KIAA1217: variants seen among roughly 807,000 people sequenced by gnomAD.
KIAA1217 encodes the protein sickle tail protein homolog.
In KIAA1217, 88 loss-of-function variants were observed where a neutral mutation model predicts 163.9. The ratio of observed to expected loss-of-function variants is 0.54; its 90% CI spans 0.45 to 0.64. KIAA1217 has a LOEUF of 0.64. Among genes scored for constraint, KIAA1217 ranks in the 30% least tolerant of loss-of-function variants. The pLI, the probability that KIAA1217 is intolerant of heterozygous loss-of-function variation, is 0.00. For missense variants in KIAA1217, 2,372 were observed against 2,475.0 expected (o/e 0.96, Z 0.88); for synonymous variants, 903 against 923.1 (o/e 0.98, Z 0.39).
chr10:23,748,333 C>T lies in KIAA1217; in HGVS notation c.-321+53099C>T, dbSNP rs140085264. Among the ~76,000 whole-genome samples, 313 of 151,744 alleles carry T rather than the reference C, an allele frequency of 2.1e-3. 3 individuals carry two copies. The highest frequency in any genetic ancestry group is 7.3e-3 in the African/African-American group (303 of 41,310). Reference sequence around the variant, plus strand: ...GAATTTTAATTTTCTAGCAGCCTTCCGATTGTAGATTCTATGAGAGCAGGA... The same window carrying T: ...GAATTTTAATTTTCTAGCAGCCTTCTGATTGTAGATTCTATGAGAGCAGGA... On this transcript the variant is annotated intron_variant, in intron 1 of 18. Transcript: ENST00000376462.
At position 24,364,763 on chromosome 10, in the gene KIAA1217, T is replaced by C. The variant is rs370976234; in HGVS notation, c.355-16106T>C. On this transcript the variant is annotated intron_variant, in intron 2 of 20. Transcript: ENST00000376454. ...TCTCTTGCCTGCCTGCCTTCCTTCC[T>C]TTCTTTCTTTCTTTTTTCTTCCTTT... is the stretch of plus-strand genomic sequence containing the variant. Among the ~76,000 whole-genome samples, 32 of 152,018 alleles carry C rather than the reference T, an allele frequency of 2.1e-4. No homozygotes were observed. The South Asian group carries it at 5.8e-3, about 28-fold the overall frequency.
At chr10:24,161,021 C>T (rs952639860) in intron 2 of KIAA1217, among the ~76,000 whole-genome samples, 6 of 152,098 alleles carry the variant, frequency 3.9e-5, no homozygotes, top group Admixed American at 1.3e-4. Context: ...TTTTAGTTTC[C>T]TACCTGTAAA....
chr10:24,251,426 GA>G (rs1310730335), intron 2 of KIAA1217, among the ~76,000 whole-genome samples: 6 of 129,442 alleles, frequency 4.6e-5, no homozygotes, highest in Middle Eastern at 8.6e-3. Flanking sequence ...AAAAAAACAA[GA>G]AAAAAAAAGA....
intron 1 of KIAA1217, among the ~76,000 whole-genome samples, chr10:23,942,115 T>C (rs1843800355): frequency 6.6e-6 from 1 of 152,126 alleles, no homozygotes; most frequent in South Asian, 2.1e-4. Context: ...TATACTACAA[T>C]TGAATATAGT....
At chr10:24,511,243 G>T (rs1277112702) in intron 9 of KIAA1217, among the ~76,000 whole-genome samples, 1 of 151,582 alleles carries the variant, frequency 6.6e-6, no homozygotes, top group East Asian at 1.9e-4. Flanking sequence ...ATGGAGGGAG[G>T]GAGATTAGCC....
intron 2 of KIAA1217, among the ~76,000 whole-genome samples, chr10:24,228,787 C>T (rs1188449907): frequency 6.6e-6 from 1 of 152,170 alleles, no homozygotes; most frequent in African/African-American, 2.4e-5. Flanking sequence ...CATCAGCTCT[C>T]CCAATGTAAT....
Position 24,382,746 on chromosome 10 carries a change from A to G in KIAA1217, c.553+1679A>G, listed in dbSNP as rs138217415. Among the ~76,000 whole-genome samples the G allele has an allele frequency of 3.3e-3, 507 of 152,162 alleles. 1 individual carries two copies. Among genetic ancestry groups the G allele is most frequent in the African/African-American group, 0.012 (481 of 41,530 alleles). ...CAGGGGAGGGACACACCCAAGGAGC[A>G]TCATGGGCCAAGACAGTGTCAAGAT... is the stretch of plus-strand genomic sequence containing the variant. On this transcript the variant is annotated intron_variant, in intron 3 of 20. Coordinates refer to ENST00000376454, the MANE Select transcript of KIAA1217 (RefSeq NM_019590.5).
chr10:24,255,008 C>A (rs1160887874), intron 2 of KIAA1217, among the ~76,000 whole-genome samples: 2 of 152,110 alleles, frequency 1.3e-5, no homozygotes, highest in Non-Finnish European at 2.9e-5. Context: ...AGCCCGCCAC[C>A]ATGCCCAGCT....
chr10:24,092,515 C>G (rs1357514511), intron 2 of KIAA1217, among the ~76,000 whole-genome samples: 1 of 151,772 alleles, frequency 6.6e-6, no homozygotes, highest in African/African-American at 2.4e-5. Context: ...TGTCCCTCAA[C>G]CTATGAATGG....
intron 1 of KIAA1217, among the ~76,000 whole-genome samples, chr10:23,841,349 G>A (rs549332200): frequency 6.6e-6 from 1 of 152,326 alleles, no homozygotes; most frequent in Admixed American, 6.5e-5. Flanking sequence ...TCAAGAAACA[G>A]CAAGGCCTGA....
At chr10:23,855,254 T>C (rs1182289141) in intron 1 of KIAA1217, among the ~76,000 whole-genome samples, 1 of 152,212 alleles carries the variant, frequency 6.6e-6, no homozygotes. Flanking sequence ...TAAAGTATTT[T>C]ATTTCTTCTT....
intron 1 of KIAA1217, among the ~76,000 whole-genome samples, chr10:24,002,768 G>A (rs1433598206): frequency 1.3e-5 from 2 of 152,030 alleles, no homozygotes; most frequent in Admixed American, 1.3e-4. Context: ...AGTGAACACT[G>A]TACCCAGTGT....
chr10:24,374,043 G>A (rs752336219), intron 2 of KIAA1217, among the ~76,000 whole-genome samples: 6 of 152,178 alleles, frequency 3.9e-5, no homozygotes, highest in South Asian at 2.1e-4. Context: ...CATGAATAAC[G>A]TCTGGGTACT....
intron 2 of KIAA1217, among the ~76,000 whole-genome samples, chr10:24,195,620 C>G (rs1174666711): frequency 6.6e-6 from 1 of 152,078 alleles, no homozygotes; most frequent in African/African-American, 2.4e-5. Flanking sequence ...GAAAATGCTC[C>G]CAGGAAAGTC....
chr10:24,322,244 A>G (rs2044266934), intron 2 of KIAA1217, among the ~76,000 whole-genome samples: 1 of 152,150 alleles, frequency 6.6e-6, no homozygotes. Context: ...GTGAGCCACC[A>G]TGTCTGGCCT....
At chr10:24,166,541 G>A (rs2065353434) in intron 2 of KIAA1217, among the ~76,000 whole-genome samples, 1 of 151,920 alleles carries the variant, frequency 6.6e-6, no homozygotes, top group Non-Finnish European at 1.5e-5. Context: ...GGTTCAAGAC[G>A]AGCCTGACCA....
intron 2 of KIAA1217, among the ~76,000 whole-genome samples, chr10:24,173,899 C>A (rs2065748420): frequency 6.6e-6 from 1 of 152,232 alleles, no homozygotes; most frequent in Admixed American, 6.5e-5. Context: ...AGCTGCATCT[C>A]TTTGCCATAA....
At chr10:24,405,980 G>A (rs17513725) in intron 3 of KIAA1217, among the ~76,000 whole-genome samples, 32,166 of 152,098 alleles carry the variant, frequency 0.21, 3,795 homozygotes, top group Non-Finnish European at 0.26. Flanking sequence ...CCAAACTATG[G>A]GCACAACAGA....
intron 2 of KIAA1217, among the ~76,000 whole-genome samples, chr10:24,134,444 A>G (rs2063763209): frequency 6.6e-6 from 1 of 152,204 alleles, no homozygotes; most frequent in Non-Finnish European, 1.5e-5. Context: ...GGTTGTCTGC[A>G]CAAAAGGCAA....
Sources: allele counts gnomAD v4.1 joint callset (sites outside exome capture counted in the v4.1 genomes callset), GRCh38; gene constraint gnomAD v4.1.1; transcripts MANE v1.5; gene names NCBI Gene and HGNC (gene_info 2026-07-23, HGNC 2026-07-21).